PARP10: variants seen among roughly 807,000 people sequenced by gnomAD.
PARP10 encodes the protein protein mono-ADP-ribosyltransferase PARP10.
Under a neutral mutation model 82.4 loss-of-function variants are expected in PARP10, and 56 were observed. That is an observed-to-expected ratio of 0.68 (90% CI 0.55 to 0.85). PARP10 has a LOEUF of 0.85. Among genes scored for constraint, PARP10 ranks in the 40% least tolerant of loss-of-function variants. The pLI is 0.00. For missense variants in PARP10, 1,227 were observed against 1,379.4 expected (o/e 0.89, Z 1.75); for synonymous variants, 576 against 601.1 (o/e 0.96, Z 0.61).
chr8:143,983,007 G>A lies in PARP10; in HGVS notation c.2481C>T (p.Thr827=), dbSNP rs574232624. Residue 827 remains threonine, a synonymous_variant, in exon 9 of 11, where the codon ACC becomes ACT. Transcript: ENST00000313028. ...WNNLERLAEN[T]GEFQEVVRAF... Reference sequence around the variant, plus strand: ...CCCGCACCACCTCCTGGAACTCCCCGGTGTTCTCTGCCAGACGCTCCAGGT... The same window carrying A: ...CCCGCACCACCTCCTGGAACTCCCCAGTGTTCTCTGCCAGACGCTCCAGGT... The A allele has an allele frequency of 1.7e-4, 276 of 1,613,912 alleles. 2 individuals are homozygous for A. The highest frequency in any genetic ancestry group is 1.5e-3 in the South Asian group (139 of 91,084).
intron 1 of PARP10, among the ~76,000 whole-genome samples, chr8:144,009,761 T>C (rs562195126): frequency 6.6e-6 from 1 of 152,306 alleles, no homozygotes; most frequent in South Asian, 2.1e-4. Flanking sequence ...CCACCACCCA[T>C]GCCAGAAGCC....
upstream of PARP10, among the ~76,000 whole-genome samples, chr8:143,994,668 C>A (rs938683184): frequency 2.6e-5 from 4 of 152,186 alleles, no homozygotes; most frequent in African/African-American, 9.6e-5. Flanking sequence ...AGTGTGGGGA[C>A]ACACACTGCC....
chr8:144,004,837 C>G (rs1218557854), intron 1 of PARP10, among the ~76,000 whole-genome samples: 1 of 152,120 alleles, frequency 6.6e-6, no homozygotes, highest in Non-Finnish European at 1.5e-5. Flanking sequence ...AAGGCACAGA[C>G]TGGGAGCAGG....
At chr8:144,002,041 G>T (rs1255871920) in intron 1 of PARP10, among the ~76,000 whole-genome samples, 1 of 151,798 alleles carries the variant, frequency 6.6e-6, no homozygotes, top group South Asian at 2.1e-4. Context: ...ATACTCTAGG[G>T]AAAAAAAGGC....
upstream of PARP10, chr8:143,992,385 C>T: frequency 6.2e-7 from 1 of 1,608,160 alleles, no homozygotes; most frequent in Non-Finnish European, 8.5e-7. Flanking sequence ...TGAGGGGCCT[C>T]CCGTGGCTGG....
rs901976413 is a variant in PARP10, at chr8:144,008,868, A to G, written c.-80+3662T>C. Among the ~76,000 whole-genome samples, 4 of 152,240 alleles carry G rather than the reference A, an allele frequency of 2.6e-5. No individual in the cohort carries two copies. Among genetic ancestry groups the G allele is most frequent in the Admixed American group, 6.5e-5 (1 of 15,282 alleles). On this transcript the variant is annotated intron_variant, in intron 1 of 3. Coordinates refer to the PARP10 transcript ENST00000530478. This position sits in a 1 kb window ranked among gnomAD's most constrained non-coding sequence, Gnocchi z 4.0. ...TTTGTATATAAAACATAACAAAAAG[A>G]AAAAGAAAATGCGAATGAAGAGGAA...
chr8:143,990,121 C>A (rs1252911623), upstream of PARP10: 1 of 151,116 alleles, frequency 6.6e-6, no homozygotes, highest in Non-Finnish European at 1.5e-5. This position sits in a 1 kb window ranked among gnomAD's most constrained non-coding sequence, Gnocchi z 5.6. Flanking sequence ...CGAGCGGGTG[C>A]GGGTGCGGGC....
At chr8:143,980,275 G>A (rs1309231847) in intron 9 of PARP10, among the ~76,000 whole-genome samples, 3 of 123,264 alleles carry the variant, frequency 2.4e-5, no homozygotes, top group East Asian at 2.6e-4. Flanking sequence ...AGCTGAGATT[G>A]CACCACTGCA....
chr8:143,993,951 C>G (rs180708278), upstream of PARP10, among the ~76,000 whole-genome samples: 890 of 152,334 alleles, frequency 5.8e-3, 28 homozygotes, highest in Admixed American at 0.051. Flanking sequence ...TGCCCAGGCC[C>G]GGTCCTTTGG....
chr8:143,991,436 G>A (rs1411291151), upstream of PARP10: 3 of 1,451,030 alleles, frequency 2.1e-6, no homozygotes, highest in African/African-American at 2.9e-5. Context: ...GCTACCCACA[G>A]GGTCCCTACC....
chr8:143,984,920 C>A lies in PARP10; in HGVS notation c.1082G>T (p.Gly361Val), dbSNP rs1554748842. The change falls in exon 5 of 11, where the codon GGG becomes GTG. Residue 361 changes from glycine (G) to valine (V), a missense_variant. Physicochemically the swap from Gly to Val is moderately radical, Grantham distance 109 (BLOSUM62 -3). Coordinates refer to ENST00000313028, the MANE Select transcript of PARP10 (RefSeq NM_032789.5). ...SMPMGSLEHE[G>V]LVSLRPVGLQ... Reference sequence around the variant, plus strand: ...CCCCACAGGCCTCAGGCTTACCAGCCCCTCATGTTCCAGAGACCCCATGGG... The same window carrying A: ...CCCCACAGGCCTCAGGCTTACCAGCACCTCATGTTCCAGAGACCCCATGGG... 1.9e-6 allele frequency: 3 copies of A among 1,613,922 alleles called. No individual in the cohort carries two copies.
chr8:143,979,458 T>C (rs1162461648), intron 9 of PARP10, among the ~76,000 whole-genome samples: 3 of 152,210 alleles, frequency 2.0e-5, no homozygotes, highest in Non-Finnish European at 2.9e-5. Context: ...TTCAAATATC[T>C]GAGGAAAAAC....
At chr8:143,979,709 G>A (rs1324201322) in intron 9 of PARP10, among the ~76,000 whole-genome samples, 2 of 152,086 alleles carry the variant, frequency 1.3e-5, no homozygotes, top group African/African-American at 4.8e-5. Context: ...TCAGGAGTTC[G>A]AGACCAGCCT....
At chr8:144,012,725 T>C in exon 1 of PARP10, 1 of 1,551,386 alleles carries the variant, frequency 6.4e-7, no homozygotes, top group East Asian at 2.4e-5. Context: ...GCCAGAACAA[T>C]GGTAAGAGGC....
chr8:143,994,266 A>C (rs1276368659), upstream of PARP10, among the ~76,000 whole-genome samples: 1 of 152,228 alleles, frequency 6.6e-6, no homozygotes, highest in Non-Finnish European at 1.5e-5. Context: ...TGGGGTGCCC[A>C]GAGCCAAGCT....
chr8:143,996,835 G>A (rs1834168028), intron 1 of PARP10, among the ~76,000 whole-genome samples: 1 of 152,190 alleles, frequency 6.6e-6, no homozygotes, highest in African/African-American at 2.4e-5. Context: ...GGCTGAGGAG[G>A]CCAGTCGAGG....
upstream of PARP10, chr8:143,992,558 C>G: frequency 1.9e-6 from 3 of 1,614,156 alleles, no homozygotes; most frequent in Non-Finnish European, 2.5e-6. Flanking sequence ...CATCCGGAAC[C>G]GCATCCTGGA....
chr8:143,984,835 C>T lies in PARP10; in HGVS notation c.1167G>A (p.Glu389=). ...CCTGCCCCAGCAACCCCTTAGAGGT[C>T]TCCACTGGGCCTGCAGACCCCACAG... ...LGPVGSAGPV[E]TSKGLLGQEG... is the part of the protein sequence containing the mutation. Residue 389 remains glutamate, a synonymous_variant, in exon 5 of 11, where the codon GAG becomes GAA. Transcript: ENST00000313028. 1 of 1,612,622 alleles carries T rather than the reference C, an allele frequency of 6.2e-7. No individual in the cohort carries two copies.
chr8:143,991,797 TC>T, upstream of PARP10: 1 of 1,612,650 alleles, frequency 6.2e-7, no homozygotes, highest in Non-Finnish European at 8.5e-7. Flanking sequence ...CAGGCCTTCA[TC>T]CGCAAGGTGG....
Sources: gnomAD v4.1 joint callset for allele counts (sites outside exome capture counted in the v4.1 genomes callset) on GRCh38, gnomAD v4.1.1 for gene constraint, Gnocchi (gnomAD v3.1) non-coding constraint, MANE v1.5 for transcripts, NCBI Gene and HGNC (gene_info 2026-07-23, HGNC 2026-07-21) for gene names.